PTPRT: variants seen among roughly 807,000 people sequenced by gnomAD.
PTPRT encodes the protein receptor-type tyrosine-protein phosphatase T.
PTPRT carries 56 observed loss-of-function variants against 176.8 expected under a neutral mutation model. The observed-to-expected ratio is 0.32, with a 90% CI of 0.26 to 0.40. PTPRT has a LOEUF of 0.40. Ranked by LOEUF, PTPRT falls within the 10% of genes least tolerant of loss-of-function variation. PTPRT has a pLI of 1.00. For missense variants in PTPRT, 1,540 were observed against 1,908.2 expected (o/e 0.81, Z 3.60); for synonymous variants, 783 against 739.0 (o/e 1.06, Z -0.96).
intron 7 of PTPRT, among the ~76,000 whole-genome samples, chr20:42,630,826 C>T (rs1045204087): frequency 1.2e-4 from 19 of 152,082 alleles, no homozygotes; most frequent in African/African-American, 4.6e-4. Flanking sequence ...CTATCAAGAG[C>T]GTTGCTCTTG....
At chr20:42,158,521 G>C (rs1247120809) in intron 17 of PTPRT, among the ~76,000 whole-genome samples, 2 of 152,196 alleles carry the variant, frequency 1.3e-5, no homozygotes, top group Non-Finnish European at 2.9e-5. Context: ...GAGCAGGTTG[G>C]TATGAGAGTA....
intron 16 of PTPRT, among the ~76,000 whole-genome samples, chr20:42,188,613 T>C (rs1412149696): frequency 6.6e-6 from 1 of 152,158 alleles, no homozygotes; most frequent in Non-Finnish European, 1.5e-5. Flanking sequence ...GTCTGTAGCT[T>C]TGAGCAGAGG....
rs147207602 is a variant in PTPRT, at chr20:43,065,209, G to A, written c.88+124437C>T. 8.8e-3 allele frequency among the ~76,000 whole-genome samples: 1,342 copies of A among 152,240 alleles called. 14 individuals carry two copies. Among genetic ancestry groups the A allele is most frequent in the Middle Eastern group, 0.027 (8 of 294 alleles). ...ATTTTGGTGGCTTAAAACAATGAAC[G>A]TTTTCTCTGCGTTCATGCCACAGTC... On this transcript the variant is annotated intron_variant, in intron 1 of 30. Transcript: ENST00000373187.
intron 13 of PTPRT, among the ~76,000 whole-genome samples, chr20:42,264,496 G>A (rs142639178): frequency 1.3e-5 from 2 of 152,312 alleles, no homozygotes; most frequent in East Asian, 3.9e-4. Context: ...GCCCAGAACA[G>A]CTGAGGAGGG....
intron 1 of PTPRT, among the ~76,000 whole-genome samples, chr20:43,085,442 T>G (rs1294937331): frequency 1.3e-5 from 2 of 152,222 alleles, no homozygotes; most frequent in Non-Finnish European, 2.9e-5. Context: ...AAGTATTATC[T>G]GAGCCCCAAC....
intron 7 of PTPRT, among the ~76,000 whole-genome samples, chr20:42,673,718 C>T (rs1051198413): frequency 6.6e-6 from 1 of 152,044 alleles, no homozygotes. Flanking sequence ...TACCCAAATG[C>T]CCCACCTCCT....
chr20:42,986,465 T>G (rs1215146800), intron 1 of PTPRT, among the ~76,000 whole-genome samples: 1 of 152,176 alleles, frequency 6.6e-6, no homozygotes, highest in Non-Finnish European at 1.5e-5. Flanking sequence ...CCCACTCCCC[T>G]CTGCAGCATC....
At chr20:42,579,085 T>A (rs1224588290) in intron 7 of PTPRT, among the ~76,000 whole-genome samples, 1 of 120,008 alleles carries the variant, frequency 8.3e-6, no homozygotes, top group Non-Finnish European at 1.6e-5. Flanking sequence ...CAGGCCCTGG[T>A]GTGTGATGTT....
At chr20:42,717,874 T>C (rs1287041446) in intron 6 of PTPRT, among the ~76,000 whole-genome samples, 4 of 151,824 alleles carry the variant, frequency 2.6e-5, no homozygotes, top group Admixed American at 2.6e-4. Context: ...CACCTGTGTG[T>C]GTGTGTGTGT....
chr20:42,041,861 T>C, the PTPRT span, among the ~76,000 whole-genome samples: 1 of 152,228 alleles, frequency 6.6e-6, no homozygotes, highest in Non-Finnish European at 1.5e-5. Context: ...GGCCAACTGT[T>C]TAGGGTAGTG....
At chr20:43,179,848 G>A (rs903183080) in intron 1 of PTPRT, among the ~76,000 whole-genome samples, 1 of 152,252 alleles carries the variant, frequency 6.6e-6, no homozygotes, top group Non-Finnish European at 1.5e-5. Context: ...TTCCTGTGGT[G>A]GGCAGCTCCT....
At chr20:42,338,026 T>A (rs1391735321) in intron 11 of PTPRT, among the ~76,000 whole-genome samples, 1 of 152,198 alleles carries the variant, frequency 6.6e-6, no homozygotes, top group African/African-American at 2.4e-5. Flanking sequence ...GATGACTACC[T>A]TTTCCATCTG....
Position 42,446,007 on chromosome 20 carries a change from A to T in PTPRT, c.1560+2213T>A, listed in dbSNP as rs188970720. ...TTCTTGTCATGGAATTTTAATCATG[A>T]TATTTCTCATCCAGTCTAATGCATC... is the stretch of plus-strand genomic sequence containing the variant. On this transcript the variant is annotated intron_variant, in intron 9 of 30. Transcript: ENST00000373187. Among the ~76,000 whole-genome samples the T allele has an allele frequency of 3.9e-4, 60 of 152,336 alleles. 1 individual carries two copies. The highest frequency in any genetic ancestry group is 8.5e-4 in the Non-Finnish European group (58 of 68,024).
chr20:43,021,054 G>A (rs1252950091), intron 1 of PTPRT, among the ~76,000 whole-genome samples: 3 of 151,930 alleles, frequency 2.0e-5, no homozygotes, highest in African/African-American at 4.8e-5. Context: ...CTTACCCAGG[G>A]TACTATTAAA....
chr20:42,243,789 A>G (rs6030084), intron 14 of PTPRT, among the ~76,000 whole-genome samples: 73,257 of 151,994 alleles, frequency 0.48, 19,637 homozygotes, highest in Non-Finnish European at 0.59. Context: ...AACGTTCACC[A>G]ACTCACGTGA....
chr20:42,259,042 C>T (rs2056698962), intron 13 of PTPRT, among the ~76,000 whole-genome samples: 1 of 152,194 alleles, frequency 6.6e-6, no homozygotes, highest in Non-Finnish European at 1.5e-5. Context: ...TCGTTTTCGG[C>T]CTCGAATGGA....
chr20:42,294,430 G>A (rs939671351), intron 12 of PTPRT, among the ~76,000 whole-genome samples: 1 of 151,980 alleles, frequency 6.6e-6, no homozygotes, highest in Non-Finnish European at 1.5e-5. Flanking sequence ...GGAATTTTTA[G>A]AATCACAAAA....
Position 42,817,892 on chromosome 20 carries a change from G to A in PTPRT, c.215-26426C>T, listed in dbSNP as rs375686442. On this transcript the variant is annotated intron_variant, in intron 2 of 30. Coordinates refer to ENST00000373187, the MANE Select transcript of PTPRT (RefSeq NM_007050.6). Reference sequence around the variant, plus strand: ...GATCCCCCTGGACCTGAGCCCCGGCGGGAGGGGCAGCCACAGTTTCTAGGG... The same window carrying A: ...GATCCCCCTGGACCTGAGCCCCGGCAGGAGGGGCAGCCACAGTTTCTAGGG... 5.3e-5 allele frequency among the ~76,000 whole-genome samples: 8 copies of A among 152,172 alleles called. No homozygotes were observed. In the South Asian group the frequency reaches 1.4e-3, roughly 28 times the overall value.
At chr20:42,679,234 T>C (rs1431404350) in intron 6 of PTPRT, among the ~76,000 whole-genome samples, 2 of 152,174 alleles carry the variant, frequency 1.3e-5, no homozygotes, top group Admixed American at 1.3e-4. Context: ...TTATGTACTT[T>C]AAAATCTCAC....
Sources: allele counts gnomAD v4.1 joint callset (sites outside exome capture counted in the v4.1 genomes callset), GRCh38; gene constraint gnomAD v4.1.1; transcripts MANE v1.5; gene names NCBI Gene and HGNC (gene_info 2026-07-23, HGNC 2026-07-21).